The following SAMD3 variants were observed in gnomAD, a reference collection of about 807,000 sequenced individuals.
The protein encoded by SAMD3 is sterile alpha motif domain-containing protein 3.
In SAMD3, 63 loss-of-function variants were observed where a neutral mutation model predicts 58.5. That is an observed-to-expected ratio of 1.08 (90% CI 0.88 to 1.33). The LOEUF (loss-of-function observed/expected upper bound fraction) is 1.33. Ranked by LOEUF, SAMD3 falls within the 40% of genes most tolerant of loss-of-function variation. The pLI is 0.00. For synonymous variants in SAMD3, 220 were observed against 210.3 expected (o/e 1.05, Z -0.40); for missense variants, 604 against 608.4 (o/e 0.99, Z 0.08).
At chr6:130,193,564 T>A (rs1026419624) in intron 5 of SAMD3, among the ~76,000 whole-genome samples, 2 of 152,050 alleles carry the variant, frequency 1.3e-5, no homozygotes, top group Non-Finnish European at 1.5e-5. Flanking sequence ...CTCTCCCTTT[T>A]CTCTGGGCTT....
At chr6:130,193,318 A>G (rs1434776408) in intron 5 of SAMD3, among the ~76,000 whole-genome samples, 1 of 151,638 alleles carries the variant, frequency 6.6e-6, no homozygotes. Flanking sequence ...AGGGGCAAGT[A>G]CCCCAACCTC....
chr6:130,255,409 C>T (rs1276820144), intron 2 of SAMD3, among the ~76,000 whole-genome samples: 1 of 152,098 alleles, frequency 6.6e-6, no homozygotes, highest in African/African-American at 2.4e-5. Flanking sequence ...AAGCCCCCTA[C>T]TATTATTGTA....
chr6:130,300,822 T>TTTA (rs1319785833), intron 2 of SAMD3, among the ~76,000 whole-genome samples: 32 of 152,022 alleles, frequency 2.1e-4, no homozygotes, highest in East Asian at 3.8e-4. Context: ...GTAGCATTTC[T>TTTA]TTATTATTAT....
chr6:130,160,836 G>A (rs1790220810), intron 8 of SAMD3: 1 of 152,000 alleles, frequency 6.6e-6, no homozygotes. Context: ...GGAAGGTGGT[G>A]AAAAGAAAAA....
At chr6:130,145,957 G>T in intron 10 of SAMD3, 53 bp downstream of exon 10, 1 of 1,133,442 alleles carries the variant, frequency 8.8e-7, no homozygotes, top group Non-Finnish European at 1.2e-6. Flanking sequence ...AACTTTTCTA[G>T]ATATTCTGAT....
chr6:130,365,599 T>A (rs1161691455), upstream of SAMD3: 16 of 985,286 alleles, frequency 1.6e-5, no homozygotes, highest in East Asian at 1.0e-3. Flanking sequence ...TCCGGAGAAC[T>A]GGGGGAGCCG....
chr6:130,279,380 G>T (rs937359698), intron 2 of SAMD3, among the ~76,000 whole-genome samples: 2 of 151,784 alleles, frequency 1.3e-5, no homozygotes, highest in African/African-American at 4.8e-5. Context: ...CATTTCCCCT[G>T]CTGGCACTCA....
chr6:130,237,954 A>C (rs1202821536), intron 2 of SAMD3, among the ~76,000 whole-genome samples: 1 of 152,206 alleles, frequency 6.6e-6, no homozygotes, highest in Admixed American at 6.5e-5. Flanking sequence ...AAAAACGATA[A>C]ATGCTAAACC....
chr6:130,222,852 T>C lies in SAMD3; in HGVS notation c.-226A>G, dbSNP rs1406538119. On this transcript the variant is annotated 5_prime_UTR_variant, in exon 1 of 12. Transcript: ENST00000439090. Reference sequence around the variant, plus strand: ...GATATCACCTACAAATCTGGAATCTTGGTTTCTCTTGAAAAATCAAAAGTT... The same window carrying C: ...GATATCACCTACAAATCTGGAATCTCGGTTTCTCTTGAAAAATCAAAAGTT... 1 of 152,226 alleles carries C rather than the reference T, an allele frequency of 6.6e-6. No individual in the cohort carries two copies. The highest frequency in any genetic ancestry group is 1.5e-5 in the Non-Finnish European group (1 of 68,054). The allele number at this position is 152,226 out of a possible 1,614,324, so 9.4% of individuals were successfully genotyped here.
At chr6:130,302,847 C>T (rs182483882) in intron 2 of SAMD3, among the ~76,000 whole-genome samples, 1 of 152,226 alleles carries the variant, frequency 6.6e-6, no homozygotes. Context: ...CACAAGTTAC[C>T]ACTTATAAGT....
chr6:130,273,473 GA>G (rs1409674493), intron 2 of SAMD3, among the ~76,000 whole-genome samples: 1 of 152,070 alleles, frequency 6.6e-6, no homozygotes, highest in Non-Finnish European at 1.5e-5. Context: ...TTTGATTGGG[GA>G]CTTTAATCCA....
intron 2 of SAMD3, among the ~76,000 whole-genome samples, chr6:130,257,932 C>T (rs1773979371): frequency 6.6e-6 from 1 of 152,068 alleles, no homozygotes; most frequent in Admixed American, 6.6e-5. Flanking sequence ...AGTATACGAT[C>T]CATGCACTTA....
chr6:130,154,712 AAAAAAAATATATAT>A (rs1471014789), intron 9 of SAMD3, 99 bp downstream of exon 9: 452 of 104,964 alleles, frequency 4.3e-3, no homozygotes, highest in Non-Finnish European at 6.6e-3. Context: ...AAAAAAAAAA[AAAAAAAATATATAT>A]ATATATATAT....
intron 7 of SAMD3, 187 bp from the exon 8 acceptor site, chr6:130,176,195 G>C (rs370628299): frequency 3.0e-6 from 2 of 667,218 alleles, no homozygotes; most frequent in Non-Finnish European, 5.4e-6. Context: ...CACTGCTACA[G>C]AAATTATAAA....
chr6:130,223,740 G>A (rs114144736), upstream of SAMD3, among the ~76,000 whole-genome samples: 1,497 of 152,308 alleles, frequency 9.8e-3, 15 homozygotes, highest in African/African-American at 0.034. Context: ...CCTAGAGGGA[G>A]CATGCAGACG....
intron 2 of SAMD3, among the ~76,000 whole-genome samples, chr6:130,308,225 T>G (rs1775973580): frequency 6.6e-6 from 1 of 152,122 alleles, no homozygotes; most frequent in Non-Finnish European, 1.5e-5. Context: ...TCCTGGGGTA[T>G]GAGGGACAGC....
At chr6:130,189,975 C>A (rs567611956) in intron 5 of SAMD3, among the ~76,000 whole-genome samples, 1 of 152,274 alleles carries the variant, frequency 6.6e-6, no homozygotes, top group South Asian at 2.1e-4. Flanking sequence ...TGTAGTATTT[C>A]TGGACTCAAA....
intron 2 of SAMD3, among the ~76,000 whole-genome samples, chr6:130,270,979 C>T (rs1774538056): frequency 6.8e-6 from 1 of 146,364 alleles, no homozygotes; most frequent in Admixed American, 6.9e-5. Context: ...AGAATTTGTA[C>T]CCAATCTTGT....
intron 1 of SAMD3, among the ~76,000 whole-genome samples, chr6:130,352,807 A>G (rs997308326): frequency 1.3e-5 from 2 of 152,244 alleles, no homozygotes; most frequent in Non-Finnish European, 2.9e-5. Flanking sequence ...ATGTGTCTAC[A>G]TCTACATTCT....
Sources: allele counts gnomAD v4.1 joint callset (sites outside exome capture counted in the v4.1 genomes callset), GRCh38; gene constraint gnomAD v4.1.1; transcripts MANE v1.5; gene names NCBI Gene and HGNC (gene_info 2026-07-23, HGNC 2026-07-21).